The following RBM26 variants were observed in gnomAD, a reference collection of about 807,000 sequenced individuals.
RBM26 encodes the protein RNA binding motif protein 26, also known as RNA-binding protein 26.
A neutral mutation model predicts 123.6 loss-of-function variants in RBM26; 30 were observed. The ratio of observed to expected loss-of-function variants is 0.24; its 90% confidence interval spans 0.18 to 0.33. The LOEUF (loss-of-function observed/expected upper bound fraction) is 0.33. Among genes scored for constraint, RBM26 ranks in the 10% least tolerant of loss-of-function variants. The probability of loss-of-function intolerance (pLI) is 1.00; values close to 1 mark genes in which losing one functional copy is unlikely to be tolerated. For missense variants in RBM26, 947 were observed against 1,203.6 expected, an observed-to-expected ratio of 0.79 and a Z score of 3.15; for synonymous variants, 400 against 404.4, an observed-to-expected ratio of 0.99 and a Z score of 0.13.
At chr13:79,389,894 A>G (rs1355713662) in intron 1 of RBM26, among the ~76,000 whole-genome samples, 1 of 152,190 alleles carries the variant, frequency 6.6e-6, no homozygotes, top group Non-Finnish European at 1.5e-5. Flanking sequence ...ATGGAATTCT[A>G]TGGAACCACT....
At chr13:79,329,849 G>T (rs745475710) in intron 20 of RBM26, among the ~76,000 whole-genome samples, 2 of 152,104 alleles carry the variant, frequency 1.3e-5, no homozygotes, top group South Asian at 4.1e-4. Context: ...TAGTAGTACT[G>T]TATTTTTTTA....
At chr13:79,361,023 C>A (rs1160440739) in intron 9 of RBM26, among the ~76,000 whole-genome samples, 1 of 152,140 alleles carries the variant, frequency 6.6e-6, no homozygotes, top group Non-Finnish European at 1.5e-5. Flanking sequence ...CAGCTATGGT[C>A]TCCTGCAGGA....
intron 17 of RBM26, among the ~76,000 whole-genome samples, chr13:79,341,440 C>A (rs1018397616): frequency 2.0e-5 from 3 of 151,886 alleles, no homozygotes; most frequent in African/African-American, 7.2e-5. Context: ...TCCTATAATT[C>A]ATTTTCCATA....
intron 9 of RBM26, among the ~76,000 whole-genome samples, chr13:79,363,069 AG>A (rs1333096256): frequency 6.6e-6 from 1 of 152,102 alleles, no homozygotes; most frequent in African/African-American, 2.4e-5. Flanking sequence ...TCATCCATCA[AG>A]TTTTCCACCT....
intron 1 of RBM26, chr13:79,389,705 C>A (rs1221843612): frequency 6.6e-6 from 1 of 152,100 alleles, no homozygotes; most frequent in Non-Finnish European, 1.5e-5. Flanking sequence ...AGTAAAAGTT[C>A]AAGGATGGGA....
intron 20 of RBM26, among the ~76,000 whole-genome samples, chr13:79,323,811 T>C (rs2068000920): frequency 6.6e-6 from 1 of 151,776 alleles, no homozygotes; most frequent in Non-Finnish European, 1.5e-5. Flanking sequence ...ACAAACTTTT[T>C]ATTAACATTG....
chr13:79,323,332 T>C (rs543470676), intron 20 of RBM26, among the ~76,000 whole-genome samples: 7 of 151,748 alleles, frequency 4.6e-5, no homozygotes, highest in South Asian at 2.1e-4. Context: ...TCAATGATAT[T>C]TGACATAAGT....
chr13:79,362,848 T>G (rs1161706500), intron 9 of RBM26, among the ~76,000 whole-genome samples: 1 of 152,204 alleles, frequency 6.6e-6, no homozygotes, highest in African/African-American at 2.4e-5. Context: ...TTGATATATA[T>G]TTAAAAGAAG....
At chr13:79,343,267 C>T (rs2071738830) in intron 16 of RBM26, among the ~76,000 whole-genome samples, 1 of 151,784 alleles carries the variant, frequency 6.6e-6, no homozygotes, top group Admixed American at 6.6e-5. Context: ...TCCTTTCATA[C>T]AATGAGATAT....
At chr13:79,342,380 C>G (rs982535700) in intron 17 of RBM26, among the ~76,000 whole-genome samples, 1 of 151,792 alleles carries the variant, frequency 6.6e-6, no homozygotes, top group Non-Finnish European at 1.5e-5. Context: ...TTATATAAAA[C>G]TAGTCAAGCA....
chr13:79,391,207 T>TA (rs1238324971), intron 1 of RBM26, among the ~76,000 whole-genome samples: 1 of 152,216 alleles, frequency 6.6e-6, no homozygotes, highest in Non-Finnish European at 1.5e-5. Context: ...GTATGATTTG[T>TA]AGCACGCATA....
chr13:79,392,020 T>TAC (rs36099968), intron 1 of RBM26, among the ~76,000 whole-genome samples: 48,138 of 122,278 alleles, frequency 0.39, 13,730 homozygotes, highest in South Asian at 0.55. Context: ...TATTATACAT[T>TAC]ATTATATAAT....
chr13:79,324,980 A>T (rs913494402), intron 20 of RBM26, among the ~76,000 whole-genome samples: 1 of 152,062 alleles, frequency 6.6e-6, no homozygotes, highest in African/African-American at 2.4e-5. Context: ...TGTTTTGGTC[A>T]ACAATGACTA....
At chr13:79,355,458 A>ACTTACTG in intron 11 of RBM26, 74 bp from the exon 12 acceptor site, 1 of 1,113,126 alleles carries the variant, frequency 9.0e-7, no homozygotes, top group Non-Finnish European at 1.3e-6. Context: ...TTCCCCAGTA[A>ACTTACTG]GTGAAATACT....
intron 11 of RBM26, among the ~76,000 whole-genome samples, chr13:79,355,934 T>G (rs1026623652): frequency 3.9e-5 from 6 of 152,222 alleles, no homozygotes; most frequent in African/African-American, 1.4e-4. Flanking sequence ...AGGAATGTGA[T>G]TCTATAGACA....
intron 3 of RBM26, among the ~76,000 whole-genome samples, chr13:79,375,363 G>T (rs555903689): frequency 6.6e-5 from 10 of 151,302 alleles, no homozygotes; most frequent in Non-Finnish European, 1.5e-4. Context: ...TAGCGACAGG[G>T]TTTCACCATA....
At chr13:79,376,406 C>T (rs1307111571) in intron 3 of RBM26, 2 of 152,240 alleles carry the variant, frequency 1.3e-5, no homozygotes, top group Non-Finnish European at 2.9e-5. Flanking sequence ...ACTATATAAC[C>T]CAGACTGGTC....
chr13:79,354,912 A>G (rs1036145521), intron 12 of RBM26, among the ~76,000 whole-genome samples: 11 of 152,198 alleles, frequency 7.2e-5, no homozygotes, highest in African/African-American at 2.7e-4. Context: ...AGAAGAGAGA[A>G]TCTCTAAGAT....
rs893327134 is a variant in RBM26, at chr13:79,382,629, G to C, written c.72-3722C>G. Among the ~76,000 whole-genome samples the C allele has an allele frequency of 2.6e-5, 4 of 152,072 alleles. No homozygotes were observed. In the East Asian group the frequency reaches 7.7e-4, roughly 29 times the overall value. ...AGGCATGAGATCTAACTCAACAATA[G>C]CATTTGTAGAAGGCAAATAGAAGGT... On this transcript the variant is annotated intron_variant, in intron 1 of 21. Transcript: ENST00000438737.
Sources: gnomAD v4.1 joint callset for allele counts (sites outside exome capture counted in the v4.1 genomes callset) on GRCh38, gnomAD v4.1.1 for gene constraint, MANE v1.5 for transcripts, NCBI Gene and HGNC (gene_info 2026-07-23, HGNC 2026-07-21) for gene names.